SULT1C3: variants seen among roughly 807,000 people sequenced by gnomAD.
The protein encoded by SULT1C3 is sulfotransferase 1C3.
Under a neutral mutation model 28.4 loss-of-function variants are expected in SULT1C3, and 31 were observed. The observed-to-expected ratio is 1.09, with a 90% CI of 0.82 to 1.47. SULT1C3 has a LOEUF of 1.47. SULT1C3 is among the 40% of genes most tolerant of loss of function. The probability of loss-of-function intolerance (pLI) is 0.00; values close to 1 mark genes in which losing one functional copy is unlikely to be tolerated. For missense variants in SULT1C3, 307 were observed against 272.5 expected (o/e 1.13, Z -0.89); for synonymous variants, 106 against 92.2 (o/e 1.15, Z -0.86).
intron 1 of SULT1C3, among the ~76,000 whole-genome samples, chr2:108,240,720 G>C (rs1052283795): frequency 6.6e-6 from 1 of 152,098 alleles, no homozygotes; most frequent in African/African-American, 2.4e-5. Flanking sequence ...CTAAAATGTA[G>C]GCAAAAAGCT....
chr2:108,244,729 C>T (rs1004838790), intron 1 of SULT1C3, among the ~76,000 whole-genome samples: 5 of 152,128 alleles, frequency 3.3e-5, no homozygotes, highest in African/African-American at 1.2e-4. Context: ...TAAAGTCCTG[C>T]AATGAGAAGG....
chr2:108,248,029 G>T (rs1475966058), intron 2 of SULT1C3, among the ~76,000 whole-genome samples: 1 of 152,180 alleles, frequency 6.6e-6, no homozygotes, highest in Non-Finnish European at 1.5e-5. Context: ...AATAGAATAT[G>T]CAAGGGGAAT....
chr2:108,265,079 AT>A (rs1334943211), downstream of SULT1C3: 1 of 1,502,418 alleles, frequency 6.7e-7, no homozygotes, highest in African/African-American at 1.4e-5. Flanking sequence ...TTTTCCAGTA[AT>A]GTTTCATTCT....
chr2:108,243,511 G>A (rs992938054), intron 1 of SULT1C3, among the ~76,000 whole-genome samples: 15 of 151,902 alleles, frequency 9.9e-5, no homozygotes, highest in African/African-American at 3.4e-4. Flanking sequence ...GGTGCCTGTA[G>A]TCCCAGCTAC....
rs1379160226 is a variant in SULT1C3, at chr2:108,258,947, C to CT, written c.622-14dup. On this transcript the variant is annotated intron_variant, in intron 6 of 7. Transcript: ENST00000681802. Reference sequence around the variant, plus strand: ...CTTCTTTCCTCCCTCTTCACAATGCCTTTTTCTCCCATGATCAGAATCCAA... The same window carrying CT: ...CTTCTTTCCTCCCTCTTCACAATGCCTTTTTTCTCCCATGATCAGAATCCAA... 1.3e-6 allele frequency: 1 copy of CT among 749,600 alleles called. No homozygotes were observed. The allele number at this position is 749,600 out of a possible 1,614,324, so 46.4% of individuals were successfully genotyped here.
intron 2 of SULT1C3, among the ~76,000 whole-genome samples, chr2:108,250,956 G>A (rs1675713049): frequency 6.6e-6 from 1 of 151,954 alleles, no homozygotes; most frequent in Non-Finnish European, 1.5e-5. Context: ...CTTATCTATG[G>A]TAATGGCTAC....
At chr2:108,261,121 G>C (rs964766336), downstream of SULT1C3, among the ~76,000 whole-genome samples, 1 of 152,068 alleles carries the variant, frequency 6.6e-6, no homozygotes, top group Non-Finnish European at 1.5e-5. Flanking sequence ...ACTTCCAAGA[G>C]AAAAGAGCTG....
chr2:108,258,934 C>T (rs766829451), intron 6 of SULT1C3, 32 bp from the exon 7 acceptor site: 9 of 833,228 alleles, frequency 1.1e-5, no homozygotes, highest in African/African-American at 8.6e-5. Flanking sequence ...TCTTTCCTCC[C>T]TCTTCACAAT....
chr2:108,255,674 T>C lies in SULT1C3; in HGVS notation c.502T>C (p.Tyr168His). Residue 168 changes from tyrosine to histidine, a missense_variant, in exon 5 of 8, where the codon TAT (tyrosine) becomes CAT (histidine). Transcript: ENST00000681802. ...TGATCCTCAGAACTTAGAGGAATTT[T>C]ATGAGAAATTCATGTCCGGAAAAGG... ...MPDPQNLEEF[Y>H]EKFMSGKVVG... 1 of 1,611,228 alleles carries C rather than the reference T, an allele frequency of 6.2e-7. No homozygotes were observed. Among genetic ancestry groups the C allele is most frequent in the Non-Finnish European group, 8.5e-7 (1 of 1,178,084 alleles).
downstream of SULT1C3, among the ~76,000 whole-genome samples, chr2:108,261,831 G>C (rs1021899221): frequency 6.6e-6 from 1 of 152,064 alleles, no homozygotes; most frequent in African/African-American, 2.4e-5. Flanking sequence ...CTATTGTTAC[G>C]CCAGGCAAAG....
At chr2:108,250,411 A>G (rs1468155868) in intron 2 of SULT1C3, among the ~76,000 whole-genome samples, 1 of 152,022 alleles carries the variant, frequency 6.6e-6, no homozygotes, top group African/African-American at 2.4e-5. Flanking sequence ...TGGAAATACT[A>G]AGTGTTGATA....
At chr2:108,261,065 G>T (rs544668814), downstream of SULT1C3, among the ~76,000 whole-genome samples, 1 of 152,198 alleles carries the variant, frequency 6.6e-6, no homozygotes, top group Admixed American at 6.6e-5. Flanking sequence ...AAGAGAGAAT[G>T]TAACAGCTTG....
chr2:108,258,857 A>G (rs745683532), intron 6 of SULT1C3, 29 bp downstream of exon 6: 1 of 1,529,970 alleles, frequency 6.5e-7, no homozygotes. Context: ...TATAGGTCAG[A>G]CCCAGAAACC....
chr2:108,242,291 T>G (rs1362797867), intron 1 of SULT1C3, among the ~76,000 whole-genome samples: 1 of 152,232 alleles, frequency 6.6e-6, no homozygotes, highest in African/African-American at 2.4e-5. Context: ...TTGCAGACAT[T>G]ACACACAAAA....
intron 2 of SULT1C3, among the ~76,000 whole-genome samples, chr2:108,251,521 G>A (rs1675724579): frequency 6.6e-6 from 1 of 152,022 alleles, no homozygotes; most frequent in East Asian, 1.9e-4. Context: ...CATGGTGCAA[G>A]AAGTACCAAG....
chr2:108,241,276 G>C (rs1042276797), intron 1 of SULT1C3, among the ~76,000 whole-genome samples: 1 of 152,226 alleles, frequency 6.6e-6, no homozygotes, highest in African/African-American at 2.4e-5. Flanking sequence ...TGTTGACAAA[G>C]AAAAATGGAT....
At chr2:108,247,652 T>G (rs894819477) in intron 2 of SULT1C3, among the ~76,000 whole-genome samples, 1 of 152,160 alleles carries the variant, frequency 6.6e-6, no homozygotes, top group South Asian at 2.1e-4. Flanking sequence ...GGTCAACAAA[T>G]TGAAAGACCT....
At chr2:108,261,252 C>T (rs535997798), downstream of SULT1C3, among the ~76,000 whole-genome samples, 145 of 152,178 alleles carry the variant, frequency 9.5e-4, no homozygotes, top group Non-Finnish European at 1.6e-3. Context: ...AACTAATTTT[C>T]TCAATCGAAA....
At chr2:108,248,190 C>T (rs1295575987) in intron 2 of SULT1C3, among the ~76,000 whole-genome samples, 1 of 152,106 alleles carries the variant, frequency 6.6e-6, no homozygotes, top group Non-Finnish European at 1.5e-5. Flanking sequence ...CGTGAAGGGG[C>T]TCTCACAGTA....
Sources: allele counts gnomAD v4.1 joint callset (sites outside exome capture counted in the v4.1 genomes callset), GRCh38; gene constraint gnomAD v4.1.1; transcripts MANE v1.5; gene names NCBI Gene and HGNC (gene_info 2026-07-23, HGNC 2026-07-21).